The following DGAT2L6 variants were observed in gnomAD, a reference collection of about 807,000 sequenced individuals.
The protein encoded by DGAT2L6 is diacylglycerol O-acyltransferase 2 like 6.
A neutral mutation model predicts 25.5 loss-of-function variants in DGAT2L6; 22 were observed. The observed-to-expected ratio is 0.86, with a 90% CI of 0.62 to 1.23. The LOEUF is 1.23. Ranked by LOEUF, DGAT2L6 falls within the 50% of genes most tolerant of loss-of-function variation. The probability of loss-of-function intolerance (pLI) is 0.00; values close to 1 mark genes in which losing one functional copy is unlikely to be tolerated. For missense variants in DGAT2L6, 287 were observed against 253.2 expected, an observed-to-expected ratio of 1.13 and a Z score of -0.91; for synonymous variants, 100 against 94.7, an observed-to-expected ratio of 1.06 and a Z score of -0.32.
intron 1 of DGAT2L6, among the ~76,000 whole-genome samples, chrX:70,197,427 G>A (rs929339229): frequency 8.9e-6 from 1 of 111,977 alleles, no homozygotes. Flanking sequence ...CCACAAGGGG[G>A]ATGGTGTTAC....
chrX:70,181,328 C>T (rs12014153), intron 1 of DGAT2L6, among the ~76,000 whole-genome samples: 30,159 of 111,483 alleles, frequency 0.27, 3,549 homozygotes, highest in African/African-American at 0.46. Flanking sequence ...TTTCATGTGC[C>T]TGTTGGCCAT....
intron 1 of DGAT2L6, among the ~76,000 whole-genome samples, chrX:70,191,641 T>A (rs2085375806): frequency 9.0e-6 from 1 of 111,262 alleles, no homozygotes; most frequent in Non-Finnish European, 1.9e-5. Flanking sequence ...ACTTCACAAA[T>A]CCTAGGAAAG....
In DGAT2L6 at chrX:70,179,849, G is replaced by T. The variant is rs192841920; in HGVS notation, c.85+2182G>T. 3.4e-3 allele frequency among the ~76,000 whole-genome samples: 375 copies of T among 110,364 alleles called. 1 individual carries two copies. Among genetic ancestry groups the T allele is most frequent in the African/African-American group, 0.012 (364 of 30,329 alleles). On this transcript the variant is annotated intron_variant, in intron 1 of 6. Coordinates refer to ENST00000333026, the MANE Select transcript of DGAT2L6 (RefSeq NM_198512.3). Reference sequence around the variant, plus strand: ...TCCCAAAGTGCTGGCTGGGATTACCGGCATGAGCCACCGCGCCGGGCCGAG... The same window carrying T: ...TCCCAAAGTGCTGGCTGGGATTACCTGCATGAGCCACCGCGCCGGGCCGAG...
Position 70,200,385 on chromosome X carries a change from C to T in DGAT2L6, c.398C>T (p.Ser133Phe). Residue 133 changes from serine (S) to phenylalanine (F), a missense_variant, in exon 4 of 7, where the codon TCC becomes TTC. Physicochemically the swap from Ser to Phe is radical, Grantham distance 155. Coordinates refer to ENST00000333026, the MANE Select transcript of DGAT2L6 (RefSeq NM_198512.3). ...ACTGGCATTGCTCGGATTTTCCCAT[C>T]CATCACTCCCTTTGTAGGGACCTTA... ...EATGIARIFP[S>F]ITPFVGTLER... is the part of the protein sequence containing the mutation. 2 of 1,211,818 alleles carry T rather than the reference C, an allele frequency of 1.7e-6. No individual in the cohort carries two copies. The highest frequency in any genetic ancestry group is 2.2e-6 in the Non-Finnish European group (2 of 895,485).
At chrX:70,191,657 G>A (rs2085375877) in intron 1 of DGAT2L6, among the ~76,000 whole-genome samples, 1 of 111,568 alleles carries the variant, frequency 9.0e-6, no homozygotes, top group Admixed American at 9.5e-5. Flanking sequence ...GAAAGAAATG[G>A]ACATCAAGAT....
At chrX:70,193,531 C>T (rs1218382867) in intron 1 of DGAT2L6, among the ~76,000 whole-genome samples, 2 of 111,477 alleles carry the variant, frequency 1.8e-5, no homozygotes, top group Admixed American at 9.5e-5. Context: ...TTCAACAGCA[C>T]ATTAAAAGGA....
chrX:70,182,469 CTTTTTT>C (rs1171530335), intron 1 of DGAT2L6, among the ~76,000 whole-genome samples: 1 of 49,143 alleles, frequency 2.0e-5, no homozygotes, highest in African/African-American at 1.0e-4. Flanking sequence ...TCAAAAGCAT[CTTTTTT>C]TTTTTTTTTT....
At chrX:70,197,954 T>C (rs2085397096) in intron 1 of DGAT2L6, among the ~76,000 whole-genome samples, 1 of 112,072 alleles carries the variant, frequency 8.9e-6, no homozygotes, top group African/African-American at 3.2e-5. Flanking sequence ...ATTCAGCCTA[T>C]TACAAAGGTT....
chrX:70,181,271 G>T (rs2147601357), intron 1 of DGAT2L6, among the ~76,000 whole-genome samples: 1 of 112,124 alleles, frequency 8.9e-6, no homozygotes, highest in Non-Finnish European at 1.9e-5. Context: ...TGATCTCATT[G>T]TGGTTTTGCT....
At chrX:70,191,905 G>C (rs34109549) in intron 1 of DGAT2L6, among the ~76,000 whole-genome samples, 14,765 of 110,743 alleles carry the variant, frequency 0.13, 899 homozygotes, top group Middle Eastern at 0.21. Flanking sequence ...TGCCAATGAA[G>C]AATACTATAA....
intron 1 of DGAT2L6, among the ~76,000 whole-genome samples, chrX:70,182,084 C>T (rs763592567): frequency 1.8e-5 from 2 of 111,075 alleles, no homozygotes; most frequent in East Asian, 5.6e-4. Context: ...CAGAGCCTCC[C>T]TCAGTGCTTC....
In DGAT2L6 at chrX:70,201,219, G is replaced by A. The variant is rs758995659; in HGVS notation, c.473-671G>A. Reference sequence around the variant, plus strand: ...CTGCTCTGAGGTTAGCATGGCCCTGGAGCAGGAATACTTCTCAATGGCTAG... The same window carrying A: ...CTGCTCTGAGGTTAGCATGGCCCTGAAGCAGGAATACTTCTCAATGGCTAG... On this transcript the variant is annotated intron_variant, in intron 4 of 6. Transcript: ENST00000333026. 6.3e-3 allele frequency among the ~76,000 whole-genome samples: 704 copies of A among 112,361 alleles called. 2 individuals are homozygous for A. The highest frequency in any genetic ancestry group is 9.4e-3 in the Admixed American group (100 of 10,636).
At chrX:70,182,831 T>C (rs1009733315) in intron 1 of DGAT2L6, among the ~76,000 whole-genome samples, 15 of 111,754 alleles carry the variant, frequency 1.3e-4, no homozygotes, top group African/African-American at 4.9e-4. Flanking sequence ...GTTTTTTGTA[T>C]TTTTTTAGTA....
intron 1 of DGAT2L6, among the ~76,000 whole-genome samples, chrX:70,181,875 T>C (rs970583762): frequency 1.8e-5 from 2 of 111,870 alleles, no homozygotes; most frequent in Non-Finnish European, 3.8e-5. Context: ...CAGACTTAGA[T>C]GGCAATTAGC....
chrX:70,179,172 C>T (rs2085335645), intron 1 of DGAT2L6, among the ~76,000 whole-genome samples: 1 of 112,187 alleles, frequency 8.9e-6, no homozygotes, highest in South Asian at 3.7e-4. Context: ...AAAATGCAGA[C>T]TTATTAAGCC....
intron 1 of DGAT2L6, among the ~76,000 whole-genome samples, chrX:70,185,124 C>A (rs895275780): frequency 8.1e-5 from 9 of 111,350 alleles, no homozygotes; most frequent in African/African-American, 2.9e-4. Context: ...TCCTTCCCAG[C>A]TTCATCTCCT....
intron 1 of DGAT2L6, among the ~76,000 whole-genome samples, chrX:70,195,839 C>T (rs1467762185): frequency 9.0e-6 from 1 of 111,625 alleles, no homozygotes; most frequent in African/African-American, 3.3e-5. Flanking sequence ...TGTCAAAGGG[C>T]ACAAAATTTC....
chrX:70,194,396 A>T (rs1202223057), intron 1 of DGAT2L6, among the ~76,000 whole-genome samples: 1 of 112,117 alleles, frequency 8.9e-6, no homozygotes, highest in Non-Finnish European at 1.9e-5. Flanking sequence ...AAAAAATCCT[A>T]AAATTTGTAT....
At chrX:70,182,994 C>T (rs2085348482) in intron 1 of DGAT2L6, among the ~76,000 whole-genome samples, 1 of 109,846 alleles carries the variant, frequency 9.1e-6, no homozygotes, top group Non-Finnish European at 1.9e-5. Flanking sequence ...GGTTTTGCCA[C>T]GTTGGCCAGG....
Sources: gnomAD v4.1 joint callset for allele counts (sites outside exome capture counted in the v4.1 genomes callset) on GRCh38, gnomAD v4.1.1 for gene constraint, MANE v1.5 for transcripts, NCBI Gene and HGNC (gene_info 2026-07-23, HGNC 2026-07-21) for gene names.